TRNT1: variants seen among roughly 807,000 people sequenced by gnomAD.
The protein encoded by TRNT1 is tRNA nucleotidyl transferase 1, also known as CCA tRNA nucleotidyltransferase 1, mitochondrial.
TRNT1 carries 44 observed loss-of-function variants against 45.6 expected under a neutral mutation model. That is an observed-to-expected ratio of 0.97 (90% CI 0.76 to 1.24). The LOEUF is 1.24. Among genes scored for constraint, TRNT1 ranks in the 50% most tolerant of loss-of-function variants. The pLI is 0.00. For missense variants in TRNT1, 633 were observed against 504.4 expected (o/e 1.25, Z -2.44); for synonymous variants, 201 against 171.4 (o/e 1.17, Z -1.35).
downstream of TRNT1, chr3:3,150,405 G>A (rs1283392298): frequency 6.5e-6 from 1 of 153,440 alleles, no homozygotes; most frequent in Non-Finnish European, 1.4e-5. Flanking sequence ...CTTTCCAAAA[G>A]GAACATGTAC....
At position 3,148,141 on chromosome 3, in the gene TRNT1, T is replaced by C. The variant is rs150984011; in HGVS notation, c.1292T>C (p.Ile431Thr). The C allele has an allele frequency of 5.7e-4, 912 of 1,613,296 alleles. No homozygotes were observed. Among genetic ancestry groups the C allele is most frequent in the Non-Finnish European group, 6.1e-4 (723 of 1,179,640 alleles). ...GAAAAAGATGAACTTCTGAGTTACA[T>C]AAAGAAGACCTAAAACTGATGGCTA... is the stretch of plus-strand genomic sequence containing the variant. ...QMEKDELLSY[I>T]KKT Residue 431 changes from isoleucine (I) to threonine (T), a missense_variant, in exon 8 of 8, where the codon ATA becomes ACA. Transcript: ENST00000251607.
rs1452694787 is a variant in TRNT1, at chr3:3,147,632, A to T, written c.985A>T (p.Asn329Tyr). The change falls in exon 7 of 8, where the codon AAT becomes TAT. Residue 329 changes from asparagine to tyrosine, a missense_variant. By Grantham distance (143) the Asn-to-Tyr change is moderately radical. Transcript: ENST00000251607. ...AAACCTTGGCTTATTTATAGTTAAA[A>T]ATAGGAAAGATTTAATTAAAGCAAC... ...EKNLGLFIVK[N>Y]RKDLIKATDS... The T allele has an allele frequency of 6.2e-7, 1 of 1,613,862 alleles. No homozygotes were observed. The highest frequency in any genetic ancestry group is 2.2e-5 in the East Asian group (1 of 44,838).
intron 1 of TRNT1, among the ~76,000 whole-genome samples, chr3:3,128,598 CAAAAAAA>C (rs111647168): frequency 1.0e-5 from 1 of 96,108 alleles, no homozygotes; most frequent in Non-Finnish European, 1.8e-5. Context: ...GACTCCATCT[CAAAAAAA>C]AAAAAAAAAA....
intron 2 of TRNT1, among the ~76,000 whole-genome samples, chr3:3,133,366 C>G (rs541019000): frequency 6.6e-6 from 1 of 152,092 alleles, no homozygotes; most frequent in African/African-American, 2.4e-5. Flanking sequence ...CCAGCCTGAG[C>G]AACATAGTGA....
chr3:3,153,346 G>C, downstream of TRNT1: 1 of 884,090 alleles, frequency 1.1e-6, no homozygotes, highest in Non-Finnish European at 1.9e-6. Context: ...CTGGAGGAAA[G>C]TTTATGGAAA....
intron 2 of TRNT1, among the ~76,000 whole-genome samples, chr3:3,134,423 C>T (rs970914850): frequency 2.0e-5 from 3 of 152,140 alleles, no homozygotes; most frequent in African/African-American, 4.8e-5. Context: ...GGTTTAATAA[C>T]ATAGGCTAAT....
intron 3 of TRNT1, among the ~76,000 whole-genome samples, chr3:3,139,338 T>C (rs574461052): frequency 7.6e-4 from 116 of 152,318 alleles, no homozygotes; most frequent in Non-Finnish European, 1.4e-3. Context: ...TGGAATTCTA[T>C]AGTGAGAGAT....
intron 4 of TRNT1, among the ~76,000 whole-genome samples, chr3:3,142,545 T>C (rs1705722183): frequency 6.6e-6 from 1 of 152,224 alleles, no homozygotes; most frequent in Non-Finnish European, 1.5e-5. Flanking sequence ...AAGGATGATA[T>C]TCAGAGCAAA....
rs1575070821 is a variant in TRNT1, at chr3:3,149,007, A to G, written c.*853A>G. ...TCCTAAATGCTTTCATCAGGTAAATAAAATGTATAATACAAACTGTTTATT... is the reference window on the plus strand; with the variant it reads ...TCCTAAATGCTTTCATCAGGTAAATGAAATGTATAATACAAACTGTTTATT... On this transcript the variant is annotated 3_prime_UTR_variant, in exon 8 of 8. Transcript: ENST00000251607. 1 of 149,990 alleles carries G rather than the reference A, an allele frequency of 6.7e-6. No homozygotes were observed. The highest frequency in any genetic ancestry group is 2.1e-4 in the South Asian group (1 of 4,766). 9.3% of individuals were successfully genotyped at this position (149,990 alleles called of 1,614,324 possible).
intron 4 of TRNT1, among the ~76,000 whole-genome samples, chr3:3,141,163 A>G (rs899945702): frequency 6.6e-6 from 1 of 152,214 alleles, no homozygotes; most frequent in Non-Finnish European, 1.5e-5. Flanking sequence ...GTTAATTAAT[A>G]TTGGCTTCCT....
chr3:3,149,721 T>A (rs1706350424), downstream of TRNT1: 1 of 152,136 alleles, frequency 6.6e-6, no homozygotes, highest in Admixed American at 6.6e-5. Context: ...TATTCTTGAA[T>A]TTTCATTTAC....
At chr3:3,150,086 G>GTT (rs1706399321), downstream of TRNT1, 1 of 152,100 alleles carries the variant, frequency 6.6e-6, no homozygotes, top group African/African-American at 2.4e-5. Context: ...ACAGTATCAA[G>GTT]TTTAGTCTGG....
chr3:3,129,781 A>G, intron 2 of TRNT1: 2 of 1,304,100 alleles, frequency 1.5e-6, no homozygotes, highest in Non-Finnish European at 2.2e-6. Flanking sequence ...TGTTACGTGA[A>G]AAAGGAAACA....
At chr3:3,137,131 A>G (rs973986365) in intron 2 of TRNT1, 129 bp from the exon 3 acceptor site, 2 of 709,816 alleles carry the variant, frequency 2.8e-6, no homozygotes, top group Non-Finnish European at 4.4e-6. Flanking sequence ...CATTTTTCAT[A>G]TGAAAAGCCT....
intron 2 of TRNT1, chr3:3,129,600 A>G: frequency 2.0e-6 from 1 of 495,514 alleles, no homozygotes. Flanking sequence ...AGAAAGGAAT[A>G]TTAAAAGAGA....
intron 4 of TRNT1, among the ~76,000 whole-genome samples, chr3:3,143,616 G>T (rs567495096): frequency 6.6e-6 from 1 of 152,322 alleles, no homozygotes; most frequent in East Asian, 1.9e-4. Context: ...GGTGGCTTAT[G>T]CCTGTAACCC....
intron 3 of TRNT1, 135 bp downstream of exon 3, chr3:3,137,588 C>T (rs1157218182): frequency 1.6e-6 from 1 of 623,532 alleles, no homozygotes; most frequent in Non-Finnish European, 2.7e-6. Flanking sequence ...ATAAACCCTG[C>T]AGTCCTCTGT....
At chr3:3,149,881 T>TA (rs1706370745), downstream of TRNT1, 1 of 152,158 alleles carries the variant, frequency 6.6e-6, no homozygotes, top group African/African-American at 2.4e-5. Flanking sequence ...AAACGAAAGT[T>TA]ATCATACAAA....
chr3:3,152,393 G>C (rs1706627904), downstream of TRNT1: 1 of 1,529,602 alleles, frequency 6.5e-7, no homozygotes, highest in African/African-American at 1.4e-5. Context: ...TTAGGACTCT[G>C]GATTTTTCTG....
Sources: gnomAD v4.1 joint callset for allele counts (sites outside exome capture counted in the v4.1 genomes callset) on GRCh38, gnomAD v4.1.1 for gene constraint, MANE v1.5 for transcripts, NCBI Gene and HGNC (gene_info 2026-07-23, HGNC 2026-07-21) for gene names.